The following NEGR1 variants were observed in gnomAD, a reference collection of about 807,000 sequenced individuals.
NEGR1 encodes neuronal growth regulator 1.
NEGR1 carries 10 observed loss-of-function variants against 40.9 expected under a neutral mutation model. The ratio of observed to expected loss-of-function variants is 0.24; its 90% confidence interval spans 0.15 to 0.42. The LOEUF (loss-of-function observed/expected upper bound fraction) is 0.42. Ranked by LOEUF, NEGR1 falls within the 10% of genes least tolerant of loss-of-function variation. NEGR1 has a pLI of 1.00. For missense variants in NEGR1, 352 were observed against 438.9 expected, an observed-to-expected ratio of 0.80 and a Z score of 1.77; for synonymous variants, 185 against 166.8, an observed-to-expected ratio of 1.11 and a Z score of -0.84.
intron 3 of NEGR1, among the ~76,000 whole-genome samples, chr1:71,747,709 G>T (rs891178229): frequency 1.3e-5 from 2 of 152,126 alleles, no homozygotes; most frequent in African/African-American, 4.8e-5. Flanking sequence ...ATAGGCATGA[G>T]CCACTGCGCC....
At chr1:72,099,719 G>A (rs934791730) in intron 1 of NEGR1, among the ~76,000 whole-genome samples, 14 of 151,816 alleles carry the variant, frequency 9.2e-5, no homozygotes, top group Admixed American at 7.2e-4. Context: ...TTCTGATGTA[G>A]TTAGCATCTA....
intron 1 of NEGR1, among the ~76,000 whole-genome samples, chr1:71,978,400 G>T (rs1419175983): frequency 6.6e-6 from 1 of 151,990 alleles, no homozygotes; most frequent in Non-Finnish European, 1.5e-5. Flanking sequence ...TAATTCTGAG[G>T]TTCCAATGTA....
At chr1:72,246,599 C>CT (rs1173386011) in intron 1 of NEGR1, among the ~76,000 whole-genome samples, 2 of 152,142 alleles carry the variant, frequency 1.3e-5, no homozygotes, top group African/African-American at 4.8e-5. Context: ...TTGCCATTGC[C>CT]TTTTTTATAT....
intron 1 of NEGR1, among the ~76,000 whole-genome samples, chr1:72,189,439 T>G (rs74088180): frequency 1.3e-3 from 190 of 151,678 alleles, no homozygotes; most frequent in African/African-American, 3.8e-3. Flanking sequence ...TGTCAAATGT[T>G]TGAAAACATC....
At chr1:71,491,797 G>C (rs961403114) in intron 6 of NEGR1, among the ~76,000 whole-genome samples, 1 of 152,138 alleles carries the variant, frequency 6.6e-6, no homozygotes, top group Admixed American at 6.5e-5. Flanking sequence ...CAGAAAATAA[G>C]ACAGAAGAAT....
intron 5 of NEGR1, among the ~76,000 whole-genome samples, chr1:71,606,341 C>T (rs1008157042): frequency 6.6e-6 from 1 of 152,152 alleles, no homozygotes; most frequent in African/African-American, 2.4e-5. Flanking sequence ...GAAGCAGATT[C>T]TCCAGCCCCA....
intron 6 of NEGR1, among the ~76,000 whole-genome samples, chr1:71,458,694 G>T (rs1646692807): frequency 6.6e-6 from 1 of 152,082 alleles, no homozygotes; most frequent in Admixed American, 6.5e-5. Flanking sequence ...CCATTAAGTG[G>T]ATGAATGACT....
chr1:72,198,552 T>C (rs1378772385), intron 1 of NEGR1, among the ~76,000 whole-genome samples: 1 of 152,070 alleles, frequency 6.6e-6, no homozygotes, highest in Non-Finnish European at 1.5e-5. Context: ...TTTTTTAACG[T>C]ACAGCCATAT....
intron 6 of NEGR1, among the ~76,000 whole-genome samples, chr1:71,454,840 A>G (rs897532035): frequency 1.3e-5 from 2 of 152,224 alleles, no homozygotes; most frequent in East Asian, 3.9e-4. Flanking sequence ...ATAAACTACT[A>G]TAGTGGACAC....
chr1:71,776,105 G>C, intron 3 of NEGR1, 67 bp downstream of exon 3: 5 of 1,216,990 alleles, frequency 4.1e-6, no homozygotes, highest in Non-Finnish European at 5.5e-6. Context: ...TTCTGAACAA[G>C]TGAGGTTAGT....
At chr1:71,926,260 T>C (rs1026697950) in intron 2 of NEGR1, among the ~76,000 whole-genome samples, 1 of 152,062 alleles carries the variant, frequency 6.6e-6, no homozygotes, top group African/African-American at 2.4e-5. Flanking sequence ...ATGAATAATA[T>C]ATAATATTCT....
intron 1 of NEGR1, among the ~76,000 whole-genome samples, chr1:72,163,096 G>A (rs897854884): frequency 3.9e-5 from 6 of 151,968 alleles, no homozygotes; most frequent in Admixed American, 2.0e-4. Flanking sequence ...AGTTTTTCTT[G>A]GAAAAGGGAT....
chr1:72,114,238 G>A (rs536173166), intron 1 of NEGR1, among the ~76,000 whole-genome samples: 5 of 151,312 alleles, frequency 3.3e-5, no homozygotes, highest in Admixed American at 6.6e-5. Flanking sequence ...CCATAATATG[G>A]TCAACCTCAT....
chr1:71,688,539 A>C (rs1653141297), intron 4 of NEGR1, among the ~76,000 whole-genome samples: 1 of 147,754 alleles, frequency 6.8e-6, no homozygotes, highest in African/African-American at 2.5e-5. Flanking sequence ...GCTCACTGCA[A>C]CCTCTCCCTC....
intron 1 of NEGR1, among the ~76,000 whole-genome samples, chr1:72,093,617 C>CTTTCTAATATA (rs1189688377): frequency 6.6e-6 from 1 of 152,062 alleles, no homozygotes; most frequent in Non-Finnish European, 1.5e-5. Flanking sequence ...GATATGAGAA[C>CTTTCTAATATA]TTTCTAATAT....
chr1:72,032,669 A>G (rs1205676369), intron 1 of NEGR1, among the ~76,000 whole-genome samples: 1 of 152,182 alleles, frequency 6.6e-6, no homozygotes, highest in South Asian at 2.1e-4. Context: ...TTACATTCAT[A>G]CATATATATA....
chr1:71,973,133 G>A (rs1388083303), intron 1 of NEGR1, among the ~76,000 whole-genome samples: 1 of 151,866 alleles, frequency 6.6e-6, no homozygotes, highest in African/African-American at 2.4e-5. Context: ...TGGCTAACAC[G>A]GTGAAACCCC....
At chr1:71,992,394 T>C (rs1337026765) in intron 1 of NEGR1, among the ~76,000 whole-genome samples, 1 of 152,114 alleles carries the variant, frequency 6.6e-6, no homozygotes, top group Non-Finnish European at 1.5e-5. Flanking sequence ...CTTATAATGT[T>C]CATAATTACA....
intron 3 of NEGR1, among the ~76,000 whole-genome samples, chr1:71,747,541 C>T (rs1386820452): frequency 6.6e-6 from 1 of 151,958 alleles, no homozygotes; most frequent in African/African-American, 2.4e-5. Context: ...TCTCCTGCCT[C>T]AGCCTCTCAA....
Sources: allele counts gnomAD v4.1 joint callset (sites outside exome capture counted in the v4.1 genomes callset), GRCh38; gene constraint gnomAD v4.1.1; transcripts MANE v1.5; gene names NCBI Gene and HGNC (gene_info 2026-07-23, HGNC 2026-07-21).